The following HHLA1 variants were observed in gnomAD, a reference collection of about 807,000 sequenced individuals.
HHLA1 encodes HHLA1 neighbor of OC90.
Under a neutral mutation model 69.9 loss-of-function variants are expected in HHLA1, and 72 were observed. The observed-to-expected ratio is 1.03, with a 90% CI of 0.85 to 1.25. The LOEUF (loss-of-function observed/expected upper bound fraction) is 1.25, where lower values mean the gene tolerates loss of function less well. HHLA1 is among the 50% of genes most tolerant of loss of function. The pLI is 0.00. For synonymous variants in HHLA1, 252 were observed against 233.2 expected, an observed-to-expected ratio of 1.08 and a Z score of -0.73; for missense variants, 685 against 642.2, an observed-to-expected ratio of 1.07 and a Z score of -0.72.
chr8:132,096,916 C>T (rs866858424), intron 5 of HHLA1, among the ~76,000 whole-genome samples: 1 of 151,916 alleles, frequency 6.6e-6, no homozygotes, highest in South Asian at 2.1e-4. Context: ...CTCCAGTAAT[C>T]CTCCCACCTC....
intron 1 of HHLA1, among the ~76,000 whole-genome samples, chr8:132,109,889 AG>A (rs1208644802): frequency 2.6e-5 from 4 of 152,198 alleles, no homozygotes; most frequent in East Asian, 1.9e-4. Context: ...TCCCGGGAGA[AG>A]GGCTGAGAAG....
intron 11 of HHLA1, among the ~76,000 whole-genome samples, chr8:132,078,610 C>T (rs1272011539): frequency 6.6e-6 from 1 of 152,140 alleles, no homozygotes; most frequent in Non-Finnish European, 1.5e-5. Context: ...GCCTGTGTCT[C>T]CTCTATGCCG....
chr8:132,069,519 C>A (rs563923232), intron 15 of HHLA1, among the ~76,000 whole-genome samples: 2 of 152,178 alleles, frequency 1.3e-5, no homozygotes, highest in Non-Finnish European at 2.9e-5. Context: ...AAAGAAGGAA[C>A]AAGCCCAAGC....
chr8:132,085,461 G>A lies in HHLA1; in HGVS notation c.676+2192C>T, dbSNP rs113519188. ...CTGGTCTGTCTGAGGACCTGAGGTC[G>A]TAGGTGGATCTTTCTCATGGAGCAA... On this transcript the variant is annotated intron_variant, in intron 10 of 16. Coordinates refer to ENST00000414222, the MANE Select transcript of HHLA1 (RefSeq NM_001145095.3). The A allele has an allele frequency of 1.8e-3, 730 of 395,132 alleles. 3 individuals carry two copies. The highest frequency in any genetic ancestry group is 0.014 in the African/African-American group (663 of 46,344). The allele number at this position is 395,132 out of a possible 1,614,324, so 24.5% of individuals were successfully genotyped here. A position where few individuals can be genotyped will look rare whatever the true frequency, so the allele number is the denominator to read the frequency against.
At chr8:132,098,259 A>G (rs1030413192) in intron 5 of HHLA1, among the ~76,000 whole-genome samples, 2 of 152,252 alleles carry the variant, frequency 1.3e-5, no homozygotes, top group African/African-American at 2.4e-5. Context: ...GCTAAAGAAC[A>G]CAGAAAGAAG....
intron 15 of HHLA1, among the ~76,000 whole-genome samples, chr8:132,068,604 A>G (rs980256055): frequency 6.6e-6 from 1 of 152,232 alleles, no homozygotes; most frequent in Non-Finnish European, 1.5e-5. Context: ...CTGCAATGCC[A>G]TGGCTAGCAT....
chr8:132,063,513 A>C lies in HHLA1; in HGVS notation c.*482T>G, dbSNP rs1232520770. 6.6e-6 allele frequency: 1 copy of C among 152,446 alleles called. No individual in the cohort carries two copies. Among genetic ancestry groups the C allele is most frequent in the Non-Finnish European group, 1.5e-5 (1 of 68,194 alleles). 9.4% of individuals were successfully genotyped at this position (152,446 alleles called of 1,614,324 possible). A position where few individuals can be genotyped will look rare whatever the true frequency, so the allele number is the denominator to read the frequency against. ...GTTGTACATGTATTAGTTAACTATC[A>C]GTATATGTGAATCTCTCTAGAGTAT... On this transcript the variant is annotated 3_prime_UTR_variant, in exon 17 of 17. Transcript: ENST00000414222.
intron 10 of HHLA1, chr8:132,085,760 G>C (rs1168033946): frequency 6.8e-6 from 1 of 146,300 alleles, no homozygotes. Context: ...GGGGTCTCAA[G>C]GTGCTCAGTG....
In HHLA1 at chr8:132,095,589, C is replaced by G; in HGVS notation, c.378G>C (p.Lys126Asn). ...SVAVYNISNL[K>N]TVDPAKFPTR... ...TGGGGAATTTGGCGGGGTCTACTGT[C>G]TTCAGGTTAGAAACTGTGAAGAGAA... The change falls in exon 7 of 17, where the codon AAG (lysine) becomes AAC (asparagine). Residue 126 changes from lysine (K) to asparagine (N), a missense_variant. Coordinates refer to ENST00000414222, the MANE Select transcript of HHLA1 (RefSeq NM_001145095.3). The G allele has an allele frequency of 1.3e-6, 2 of 1,548,156 alleles. No homozygotes were observed. Among genetic ancestry groups the G allele is most frequent in the Non-Finnish European group, 1.7e-6 (2 of 1,143,690 alleles).
At chr8:132,097,250 A>G (rs916217342) in intron 5 of HHLA1, among the ~76,000 whole-genome samples, 12 of 152,210 alleles carry the variant, frequency 7.9e-5, no homozygotes, top group Non-Finnish European at 1.5e-4. Flanking sequence ...CTTGGTAAAA[A>G]TATACATTTG....
chr8:132,109,049 C>T (rs746552654), intron 1 of HHLA1, among the ~76,000 whole-genome samples: 1 of 152,176 alleles, frequency 6.6e-6, no homozygotes, highest in Non-Finnish European at 1.5e-5. Context: ...GCTCTGTCGC[C>T]CAGGCTGGAG....
chr8:132,097,637 T>G (rs1157998028), intron 5 of HHLA1, among the ~76,000 whole-genome samples: 1 of 152,162 alleles, frequency 6.6e-6, no homozygotes, highest in Non-Finnish European at 1.5e-5. Flanking sequence ...GCTAAATGTT[T>G]TGCAGCCCAT....
rs1353461413 is a variant in HHLA1, at chr8:132,063,515, T to A, written c.*480A>T. 6.5e-6 allele frequency: 1 copy of A among 152,718 alleles called. No individual in the cohort carries two copies. Among genetic ancestry groups the A allele is most frequent in the African/African-American group, 2.4e-5 (1 of 41,470 alleles). 9.5% of individuals were successfully genotyped at this position (152,718 alleles called of 1,614,324 possible). A position where few individuals can be genotyped will look rare whatever the true frequency, so the allele number is the denominator to read the frequency against. ...TGTACATGTATTAGTTAACTATCAG[T>A]ATATGTGAATCTCTCTAGAGTATGA... On this transcript the variant is annotated 3_prime_UTR_variant, in exon 17 of 17. Transcript: ENST00000414222.
intron 10 of HHLA1, among the ~76,000 whole-genome samples, chr8:132,084,632 G>T (rs2130887526): frequency 6.6e-6 from 1 of 152,206 alleles, no homozygotes; most frequent in African/African-American, 2.4e-5. Context: ...TTAGGTTTTA[G>T]GTCAGGTGTG....
At chr8:132,099,099 G>A (rs535574256) in intron 4 of HHLA1, 137 bp from the exon 5 acceptor site, 21 of 623,218 alleles carry the variant, frequency 3.4e-5, no homozygotes, top group Non-Finnish European at 4.7e-5. Context: ...GGCACGAGGG[G>A]TTCCAAGTTA....
chr8:132,099,391 A>AT (rs1282733836), intron 4 of HHLA1, among the ~76,000 whole-genome samples: 4 of 152,170 alleles, frequency 2.6e-5, no homozygotes, highest in Admixed American at 1.3e-4. Context: ...GGAAATATAC[A>AT]TTTTTTTAAT....
intron 14 of HHLA1, among the ~76,000 whole-genome samples, chr8:132,075,448 C>G (rs1165685651): frequency 1.3e-5 from 2 of 152,322 alleles, no homozygotes; most frequent in South Asian, 4.1e-4. Flanking sequence ...CACAGCAACT[C>G]AAGTCCTCAG....
rs371021419 is a variant in HHLA1, at chr8:132,076,039, G to A, written c.1315+16C>T. 3.3e-6 allele frequency: 5 copies of A among 1,531,636 alleles called. No individual in the cohort carries two copies. In the Admixed American group the frequency reaches 5.9e-5, roughly 18 times the overall value. 94.9% of individuals were successfully genotyped at this position (1,531,636 alleles called of 1,614,324 possible). A position where few individuals can be genotyped will look rare whatever the true frequency, so the allele number is the denominator to read the frequency against. On this transcript the variant is annotated intron_variant, in intron 14 of 16. Coordinates refer to ENST00000414222, the MANE Select transcript of HHLA1 (RefSeq NM_001145095.3). Reference sequence around the variant, plus strand: ...ATAAACACAAGCAATAGTAATGACTGGGCACTGGTACTTACTTGAAACTTG... The same window carrying A: ...ATAAACACAAGCAATAGTAATGACTAGGCACTGGTACTTACTTGAAACTTG...
chr8:132,110,701 T>G (rs965295696), intron 1 of HHLA1, among the ~76,000 whole-genome samples: 1 of 152,140 alleles, frequency 6.6e-6, no homozygotes, highest in Non-Finnish European at 1.5e-5. Flanking sequence ...GAACACTGAG[T>G]AAGGAAATAT....
Sources: allele counts gnomAD v4.1 joint callset (sites outside exome capture counted in the v4.1 genomes callset), GRCh38; gene constraint gnomAD v4.1.1; transcripts MANE v1.5; gene names NCBI Gene and HGNC (gene_info 2026-07-23, HGNC 2026-07-21).